Variants in PPP1R1C observed in about 807,000 individuals in gnomAD.
PPP1R1C encodes protein phosphatase 1 regulatory inhibitor subunit 1C, also known as protein phosphatase 1 regulatory subunit 1C.
A neutral mutation model predicts 17.4 loss-of-function variants in PPP1R1C; 15 were observed. The observed-to-expected ratio is 0.86, with a 90% confidence interval of 0.58 to 1.33. The LOEUF (loss-of-function observed/expected upper bound fraction) is 1.33, where lower values mean the gene tolerates loss of function less well. PPP1R1C is among the 40% of genes most tolerant of loss of function. The pLI, the probability that PPP1R1C is intolerant of heterozygous loss-of-function variation, is 0.00. For synonymous variants in PPP1R1C, 35 were observed against 43.1 expected, an observed-to-expected ratio of 0.81 and a Z score of 0.73; for missense variants, 143 against 130.0, an observed-to-expected ratio of 1.10 and a Z score of -0.48.
Position 182,117,484 on chromosome 2 carries a change from C to T in PPP1R1C, c.*189C>T, listed in dbSNP as rs1689623305. The T allele has an allele frequency of 2.1e-6, 1 of 485,460 alleles. No individual in the cohort carries two copies. Among genetic ancestry groups the T allele is most frequent in the Non-Finnish European group, 3.7e-6 (1 of 270,120 alleles). 30.1% of individuals were successfully genotyped at this position (485,460 alleles called of 1,614,324 possible). ...TTAGAACTAAGTACACATTGTTCCACATCACTTATAATTAAAGAATAAGCA... is the reference window on the plus strand; with the variant it reads ...TTAGAACTAAGTACACATTGTTCCATATCACTTATAATTAAAGAATAAGCA... On this transcript the variant is annotated 3_prime_UTR_variant, in exon 5 of 5. Coordinates refer to ENST00000682840, the MANE Select transcript of PPP1R1C (RefSeq NM_001080545.3).
At chr2:182,085,236 T>G (rs1197305617) in intron 4 of PPP1R1C, among the ~76,000 whole-genome samples, 2 of 152,112 alleles carry the variant, frequency 1.3e-5, no homozygotes, top group Non-Finnish European at 1.5e-5. Flanking sequence ...GTTTTCCAAT[T>G]TGAATGCCCT....
intron 5 of PPP1R1C, among the ~76,000 whole-genome samples, chr2:182,125,626 A>G (rs935804961): frequency 9.2e-5 from 14 of 152,082 alleles, no homozygotes; most frequent in Admixed American, 5.2e-4. Context: ...TAGTCTTGGG[A>G]GAGTGTATAT....
At chr2:182,053,950 T>TTA (rs1323984471) in intron 2 of PPP1R1C, among the ~76,000 whole-genome samples, 1 of 151,918 alleles carries the variant, frequency 6.6e-6, no homozygotes, top group Non-Finnish European at 1.5e-5. Context: ...CCGGCTAATT[T>TTA]TATATTTTCC....
intron 2 of PPP1R1C, among the ~76,000 whole-genome samples, chr2:182,046,227 A>G (rs1217514111): frequency 6.6e-6 from 1 of 151,938 alleles, no homozygotes; most frequent in East Asian, 1.9e-4. Flanking sequence ...ATTATTAACT[A>G]TAGACCTCCT....
At chr2:182,082,529 C>T (rs866728907) in intron 4 of PPP1R1C, among the ~76,000 whole-genome samples, 10 of 152,150 alleles carry the variant, frequency 6.6e-5, no homozygotes, top group African/African-American at 2.4e-4. Flanking sequence ...ATGGAGGAGG[C>T]CTGATTCTGA....
At chr2:182,123,339 A>G (rs1689785072) in intron 5 of PPP1R1C, among the ~76,000 whole-genome samples, 3 of 152,198 alleles carry the variant, frequency 2.0e-5, no homozygotes. Context: ...TTATAGTAGA[A>G]TGATTTATAA....
intron 4 of PPP1R1C, among the ~76,000 whole-genome samples, chr2:182,086,266 A>G (rs1402096341): frequency 6.6e-6 from 1 of 152,116 alleles, no homozygotes; most frequent in East Asian, 1.9e-4. Flanking sequence ...AAAGTTGTAA[A>G]CAGGCAATTT....
rs1225725459 is a variant in PPP1R1C, at chr2:182,110,087, A to G, written c.242-7120A>G. 2.6e-5 allele frequency among the ~76,000 whole-genome samples: 4 copies of G among 151,310 alleles called. No homozygotes were observed. The Admixed American group carries it at 2.7e-4, about 10-fold the overall frequency. On this transcript the variant is annotated intron_variant, in intron 4 of 4. Coordinates refer to ENST00000682840, the MANE Select transcript of PPP1R1C (RefSeq NM_001080545.3). Reference sequence around the variant, plus strand: ...ACTACAATTCACAATAATACAGAGTATACCTCAAGACAGCTAAAAGACAGG... The same window carrying G: ...ACTACAATTCACAATAATACAGAGTGTACCTCAAGACAGCTAAAAGACAGG...
At chr2:182,121,017 GA>G (rs1559101566), downstream of PPP1R1C, among the ~76,000 whole-genome samples, 1 of 152,184 alleles carries the variant, frequency 6.6e-6, no homozygotes, top group African/African-American at 2.4e-5. Context: ...AACCAGTTGA[GA>G]TAATGGCTTT....
intron 1 of PPP1R1C, among the ~76,000 whole-genome samples, chr2:181,956,564 C>T (rs956830681): frequency 2.6e-5 from 4 of 152,174 alleles, no homozygotes; most frequent in African/African-American, 9.7e-5. Context: ...TCTGTTATTT[C>T]CTGACTTTTT....
rs561341380 is a variant in PPP1R1C, at chr2:181,990,754, A to G, written c.142+2855A>G. ...TCTATCAAACAACAAAACAAATAAG[A>G]GTAACAACGAAAACACTCATAAGTG... On this transcript the variant is annotated intron_variant, in intron 2 of 4. Transcript: ENST00000682840. Among the ~76,000 whole-genome samples, 6 of 152,368 alleles carry G rather than the reference A, an allele frequency of 3.9e-5. No homozygotes were observed. In the South Asian group the frequency reaches 1.0e-3, roughly 26 times the overall value.
intron 2 of PPP1R1C, among the ~76,000 whole-genome samples, chr2:181,995,933 G>A (rs1685600397): frequency 6.6e-6 from 1 of 152,110 alleles, no homozygotes; most frequent in African/African-American, 2.4e-5. Context: ...CCCGGGACCT[G>A]GGCAGGTGAC....
At chr2:182,063,682 T>A in intron 3 of PPP1R1C, 49 bp from the exon 4 acceptor site, 1 of 1,434,176 alleles carries the variant, frequency 7.0e-7, no homozygotes, top group Non-Finnish European at 9.8e-7. Context: ...GATGGCATCG[T>A]ACTTTGTATC....
chr2:182,024,237 G>A (rs187470001), intron 2 of PPP1R1C, among the ~76,000 whole-genome samples: 1 of 152,308 alleles, frequency 6.6e-6, no homozygotes, highest in East Asian at 1.9e-4. Context: ...GATACAAACA[G>A]TATTTGTGAG....
At position 182,085,294 on chromosome 2, in the gene PPP1R1C, T is replaced by C. The variant is rs551924496; in HGVS notation, c.241+21503T>C. 9.2e-5 allele frequency among the ~76,000 whole-genome samples: 14 copies of C among 152,112 alleles called. No individual in the cohort carries two copies. In the South Asian group the frequency reaches 2.9e-3, roughly 32 times the overall value. ...TGCTCTGGCTAGGACTTCCTGAAGG[T>C]AAAACTTATTTTTTTCTTATCTATT... is the stretch of plus-strand genomic sequence containing the variant. On this transcript the variant is annotated intron_variant, in intron 4 of 4. Transcript: ENST00000682840.
intron 4 of PPP1R1C, among the ~76,000 whole-genome samples, chr2:182,068,965 G>C (rs777857075): frequency 4.6e-5 from 7 of 152,146 alleles, no homozygotes; most frequent in Admixed American, 2.6e-4. Context: ...GGAATAGACT[G>C]CTGTAATATC....
intron 2 of PPP1R1C, among the ~76,000 whole-genome samples, chr2:181,991,693 C>T (rs1685478382): frequency 6.6e-6 from 1 of 152,186 alleles, no homozygotes; most frequent in South Asian, 2.1e-4. Context: ...GGGCTACCAA[C>T]ATGAGTGACC....
At chr2:182,109,434 A>C (rs1347115654) in intron 4 of PPP1R1C, among the ~76,000 whole-genome samples, 1 of 152,188 alleles carries the variant, frequency 6.6e-6, no homozygotes, top group Non-Finnish European at 1.5e-5. Flanking sequence ...AAGGCTACCC[A>C]GGTATTCTCC....
downstream of PPP1R1C, chr2:182,130,981 T>C (rs373545703): frequency 1.8e-4 from 28 of 152,352 alleles, no homozygotes; most frequent in African/African-American, 6.0e-4. Context: ...AAGGAGTTAA[T>C]TGGAACTGGT....
Sources: allele counts gnomAD v4.1 joint callset (sites outside exome capture counted in the v4.1 genomes callset), GRCh38; gene constraint gnomAD v4.1.1; transcripts MANE v1.5; gene names NCBI Gene and HGNC (gene_info 2026-07-23, HGNC 2026-07-21).